Variants in ANXA11 observed in about 807,000 individuals in gnomAD.
ANXA11 encodes the protein annexin A11.
ANXA11 carries 57 observed loss-of-function variants against 64.7 expected under a neutral mutation model. The ratio of observed to expected loss-of-function variants is 0.88; its 90% confidence interval spans 0.71 to 1.10. The LOEUF is 1.10. ANXA11 is among the 50% of genes least tolerant of loss of function. The probability of loss-of-function intolerance (pLI) is 0.00; values close to 1 mark genes in which losing one functional copy is unlikely to be tolerated. For missense variants in ANXA11, 675 were observed against 670.7 expected (o/e 1.01, Z -0.07); for synonymous variants, 260 against 265.2 (o/e 0.98, Z 0.19).
At chr10:80,182,105 T>A (rs1846375786) in intron 1 of ANXA11, among the ~76,000 whole-genome samples, 1 of 151,778 alleles carries the variant, frequency 6.6e-6, no homozygotes, top group African/African-American at 2.4e-5. Flanking sequence ...AGCAAAAAGA[T>A]GAGTAGTTGC....
At chr10:80,157,804 T>G (rs767785759) in intron 14 of ANXA11, 41 bp from the exon 15 acceptor site, 1 of 1,601,126 alleles carries the variant, frequency 6.2e-7, no homozygotes, top group South Asian at 1.1e-5. Flanking sequence ...CCAGGCCTCC[T>G]CACCTTCCCA....
chr10:80,189,566 A>G (rs568936890), intron 1 of ANXA11, among the ~76,000 whole-genome samples: 1 of 152,372 alleles, frequency 6.6e-6, no homozygotes, highest in African/African-American at 2.4e-5. Flanking sequence ...AATGTGTGGG[A>G]TCAGCAATGT....
intron 1 of ANXA11, among the ~76,000 whole-genome samples, chr10:80,183,235 C>G (rs1564620030): frequency 6.6e-6 from 1 of 152,186 alleles, no homozygotes. Flanking sequence ...GATGGAAGGT[C>G]TAAGACGAGG....
chr10:80,174,903 C>T (rs1021694791), intron 2 of ANXA11, among the ~76,000 whole-genome samples: 4 of 152,166 alleles, frequency 2.6e-5, no homozygotes, highest in Admixed American at 6.5e-5. Context: ...AAGGTACCAC[C>T]GGTCCCCATA....
rs572631525 is a variant in ANXA11 at position 80,185,783 on chromosome 10, G to A, written c.-57-9628C>T. Among the ~76,000 whole-genome samples, 6 of 152,330 alleles carry A rather than the reference G, an allele frequency of 3.9e-5. No individual in the cohort carries two copies. In the East Asian group the frequency reaches 1.2e-3, roughly 29 times the overall value. ...TTATAGCTATTGAATGGCTGAGCCA[G>A]GCAGTCTGCTTCCAAAGCCCAGACT... is the stretch of plus-strand genomic sequence containing the variant. On this transcript the variant is annotated intron_variant, in intron 1 of 15. Coordinates refer to ENST00000422982, the MANE Select transcript of ANXA11 (RefSeq NM_145868.2).
intron 2 of ANXA11, among the ~76,000 whole-genome samples, chr10:80,175,053 T>C (rs1477312257): frequency 1.3e-5 from 2 of 152,152 alleles, no homozygotes; most frequent in South Asian, 2.1e-4. Context: ...ACCTACTCCT[T>C]GCAGTTTTCG....
chr10:80,157,822 T>C, intron 14 of ANXA11, 59 bp from the exon 15 acceptor site: 1 of 1,596,032 alleles, frequency 6.3e-7, no homozygotes, highest in African/African-American at 1.3e-5. Context: ...CCACCTGCCC[T>C]GGGCCCTCCA....
chr10:80,162,029 C>T lies in ANXA11; in HGVS notation c.1087-1G>A, dbSNP rs769495145. 2 of 1,609,482 alleles carry T rather than the reference C, an allele frequency of 1.2e-6. No homozygotes were observed. The highest frequency in any genetic ancestry group is 1.7e-6 in the Non-Finnish European group (2 of 1,178,968). On this transcript the variant is annotated splice_acceptor_variant, in intron 11 of 15. Transcript: ENST00000422982. LOFTEE classifies it high-confidence loss of function. The stretch of plus-strand genomic sequence containing the variant: ...GGTTCTCCCCGGCCGCATACAGCTC[C>T]TGGAGAGAGAGGAAGACGCACATGT...
intron 1 of ANXA11, among the ~76,000 whole-genome samples, chr10:80,189,125 C>T (rs1311579334): frequency 6.6e-6 from 1 of 152,182 alleles, no homozygotes; most frequent in African/African-American, 2.4e-5. Context: ...AATGGGGAGA[C>T]TAGCCTAGAT....
At chr10:80,203,615 C>A (rs1009863130) in intron 1 of ANXA11, among the ~76,000 whole-genome samples, 55 of 152,106 alleles carry the variant, frequency 3.6e-4, no homozygotes, top group African/African-American at 1.3e-3. Flanking sequence ...AGCCCCCACC[C>A]TCCAGAGTCA....
chr10:80,169,639 T>C (rs960139186), intron 4 of ANXA11, among the ~76,000 whole-genome samples: 2 of 152,120 alleles, frequency 1.3e-5, no homozygotes, highest in African/African-American at 4.8e-5. Flanking sequence ...CCAGACCACC[T>C]GGGTGAAGGT....
At chr10:80,171,812 G>C in intron 3 of ANXA11, 1 of 985,528 alleles carries the variant, frequency 1.0e-6, no homozygotes, top group Non-Finnish European at 1.2e-6. Flanking sequence ...GCTAGCAAAG[G>C]TGGCAGTGGC....
chr10:80,191,663 G>A (rs984366470), intron 1 of ANXA11, among the ~76,000 whole-genome samples: 3 of 152,082 alleles, frequency 2.0e-5, no homozygotes, highest in Non-Finnish European at 4.4e-5. Context: ...GAACAGGCTC[G>A]GCACAGGTGT....
intron 1 of ANXA11, among the ~76,000 whole-genome samples, chr10:80,187,011 G>A (rs569853523): frequency 3.3e-4 from 51 of 152,360 alleles, no homozygotes; most frequent in Non-Finnish European, 6.3e-4. Flanking sequence ...CAGAGACACA[G>A]TGCTAATATC....
Position 80,153,087 on chromosome 10 carries a change from C to G in ANXA11, c.*2766G>C, listed in dbSNP as rs1163075338. 3 of 152,240 alleles carry G rather than the reference C, an allele frequency of 2.0e-5. No individual in the cohort carries two copies. Among genetic ancestry groups the G allele is most frequent in the Non-Finnish European group, 4.4e-5 (3 of 68,060 alleles). 9.4% of individuals were successfully genotyped at this position (152,240 alleles called of 1,614,324 possible). A position where few individuals can be genotyped will look rare whatever the true frequency, so the allele number is the denominator to read the frequency against. ...CTCTGGCCTGGATATCCACCTTGGT[C>G]TATTCCTTGACCAAAGCACATCCAT... On this transcript the variant is annotated 3_prime_UTR_variant, in exon 16 of 16. Coordinates refer to ENST00000422982, the MANE Select transcript of ANXA11 (RefSeq NM_145868.2).
At chr10:80,203,885 T>G (rs1840557557) in intron 1 of ANXA11, among the ~76,000 whole-genome samples, 1 of 152,212 alleles carries the variant, frequency 6.6e-6, no homozygotes, top group Non-Finnish European at 1.5e-5. Context: ...GCATTTCAAC[T>G]TTAGCTGAAC....
At chr10:80,174,603 A>G (rs1424563715) in intron 2 of ANXA11, among the ~76,000 whole-genome samples, 1 of 150,986 alleles carries the variant, frequency 6.6e-6, no homozygotes, top group Non-Finnish European at 1.5e-5. Context: ...ACAGCGTCTC[A>G]CTCTATCACC....
chr10:80,167,014 G>A (rs1375864617), intron 6 of ANXA11, 30 bp from the exon 7 acceptor site: 3 of 1,518,684 alleles, frequency 2.0e-6, no homozygotes, highest in African/African-American at 1.4e-5. Flanking sequence ...GGGTGGGTCG[G>A]GTAGGGGTCA....
At chr10:80,196,175 T>C (rs1840154061) in intron 1 of ANXA11, among the ~76,000 whole-genome samples, 1 of 152,232 alleles carries the variant, frequency 6.6e-6, no homozygotes, top group Non-Finnish European at 1.5e-5. Flanking sequence ...AATGCTCCTA[T>C]TGGATAGGTA....
Sources: gnomAD v4.1 joint callset for allele counts (sites outside exome capture counted in the v4.1 genomes callset) on GRCh38, gnomAD v4.1.1 for gene constraint, MANE v1.5 for transcripts, NCBI Gene and HGNC (gene_info 2026-07-23, HGNC 2026-07-21) for gene names.